Variants in NCOA2 observed in about 807,000 individuals in gnomAD.
NCOA2 encodes nuclear receptor coactivator 2.
In NCOA2, 21 loss-of-function variants were observed where a neutral mutation model predicts 145.1. That is an observed-to-expected ratio of 0.14 (90% CI 0.10 to 0.21). NCOA2 has a LOEUF of 0.21. Among genes scored for constraint, NCOA2 ranks in the 10% least tolerant of loss-of-function variants. The pLI is 1.00. For synonymous variants in NCOA2, 619 were observed against 637.5 expected, an observed-to-expected ratio of 0.97 and a Z score of 0.44; for missense variants, 1,472 against 1,837.6, an observed-to-expected ratio of 0.80 and a Z score of 3.64.
chr8:70,442,135 G>GAAGAAAGAAAGAAAGAAAGAAAGAA, the NCOA2 span, among the ~76,000 whole-genome samples: 1 of 51,600 alleles, frequency 1.9e-5, no homozygotes, highest in Non-Finnish European at 4.7e-5. Context: ...AAGAAAGAAA[G>GAAGAAAGAAAGAAAGAAAGAAAGAA]AAAGAAAGAA....
chr8:70,234,327 T>A (rs1490812646), intron 2 of NCOA2, among the ~76,000 whole-genome samples: 1 of 152,220 alleles, frequency 6.6e-6, no homozygotes, highest in Non-Finnish European at 1.5e-5. Context: ...GACATTTGTG[T>A]ACAAGTTTTT....
rs1490198981 is a variant in NCOA2 at position 70,110,709 on chromosome 8, G to C, written c.*2923C>G. ...GCATTATATAAACTGCAAAAACATT[G>C]CTTTCAATTATTACAGGCCATAAGA... On this transcript the variant is annotated 3_prime_UTR_variant, in exon 23 of 23. Transcript: ENST00000452400. 2 of 219,148 alleles carry C rather than the reference G, an allele frequency of 9.1e-6. No individual in the cohort carries two copies. The highest frequency in any genetic ancestry group is 4.5e-5 in the African/African-American group (2 of 44,570). The allele number at this position is 219,148 out of a possible 1,614,324, so 13.6% of individuals were successfully genotyped here.
the NCOA2 span, among the ~76,000 whole-genome samples, chr8:70,436,738 A>T: frequency 1.3e-5 from 2 of 152,228 alleles, no homozygotes; most frequent in Non-Finnish European, 2.9e-5. Flanking sequence ...ATCACTTATT[A>T]CATATGTGTG....
At chr8:70,243,293 T>G (rs1822316799) in intron 2 of NCOA2, among the ~76,000 whole-genome samples, 1 of 152,076 alleles carries the variant, frequency 6.6e-6, no homozygotes, top group South Asian at 2.1e-4. Context: ...ACCATCCAAA[T>G]CTGCTCATAT....
intron 21 of NCOA2, among the ~76,000 whole-genome samples, chr8:70,121,922 T>C (rs1192994533): frequency 6.6e-6 from 1 of 152,278 alleles, no homozygotes; most frequent in African/African-American, 2.4e-5. Context: ...CAAATGCTAA[T>C]AGAATAATGA....
At chr8:70,415,206 G>C in the NCOA2 span, among the ~76,000 whole-genome samples, 5 of 151,844 alleles carry the variant, frequency 3.3e-5, no homozygotes, top group Admixed American at 6.6e-5. Context: ...ATGTTCACCT[G>C]TGTTCCCAGT....
Position 70,156,648 on chromosome 8 carries a change from G to A in NCOA2, c.1717C>T (p.Pro573Ser). ...TCCAAGCTTCCCATCTTGCTGAGTG[G>A]GGGAGGATTCATATTAACTGGGGAG... Reference protein sequence around the residue: ...QNSPVNMNPPPLSKMGSLDSK... With the variant: ...QNSPVNMNPPSLSKMGSLDSK... The change falls in exon 11 of 23, where the codon CCA (proline) becomes TCA (serine). Residue 573 changes from proline to serine, a missense_variant. Physicochemically the swap from Pro to Ser is moderately conservative, Grantham distance 74. This residue lies in a region of NCOA2 where 953 missense variants were observed against 1,062.1 expected (regional missense o/e 0.90). Transcript: ENST00000452400. 6.2e-7 allele frequency: 1 copy of A among 1,613,952 alleles called. No homozygotes were observed. Among genetic ancestry groups the A allele is most frequent in the Non-Finnish European group, 8.5e-7 (1 of 1,179,894 alleles).
At chr8:70,374,246 C>T (rs1034212419) in intron 1 of NCOA2, among the ~76,000 whole-genome samples, 7 of 151,778 alleles carry the variant, frequency 4.6e-5, no homozygotes, top group Non-Finnish European at 8.8e-5. Flanking sequence ...CTGAGGTGGG[C>T]GGATCACCTG....
At chr8:70,300,588 G>A (rs1827411131) in intron 1 of NCOA2, among the ~76,000 whole-genome samples, 1 of 152,212 alleles carries the variant, frequency 6.6e-6, no homozygotes, top group African/African-American at 2.4e-5. Flanking sequence ...GGCAGCATTA[G>A]AACTGTGTAG....
intron 1 of NCOA2, among the ~76,000 whole-genome samples, chr8:70,325,852 T>C (rs1202989437): frequency 1.3e-5 from 2 of 152,218 alleles, no homozygotes; most frequent in East Asian, 3.8e-4. Context: ...CTGATCTTTC[T>C]GGCCAAAGCT....
At chr8:70,172,980 T>A (rs915083365) in intron 5 of NCOA2, among the ~76,000 whole-genome samples, 6 of 152,188 alleles carry the variant, frequency 3.9e-5, no homozygotes, top group African/African-American at 1.4e-4. Flanking sequence ...AACAGCTCCA[T>A]GAGAACATGT....
At chr8:70,358,829 T>C (rs1394986138) in intron 1 of NCOA2, among the ~76,000 whole-genome samples, 2 of 152,174 alleles carry the variant, frequency 1.3e-5, no homozygotes, top group African/African-American at 2.4e-5. Context: ...ACTATATGTA[T>C]ATCATAGTTG....
chr8:70,424,415 C>A, the NCOA2 span: 1 of 442,008 alleles, frequency 2.3e-6, no homozygotes, highest in South Asian at 1.8e-5. Flanking sequence ...GAGTCCTGTG[C>A]TCTTGGTGAG....
chr8:70,197,427 G>A (rs979066117), intron 4 of NCOA2, among the ~76,000 whole-genome samples: 9 of 152,202 alleles, frequency 5.9e-5, no homozygotes, highest in South Asian at 4.1e-4. Flanking sequence ...GGGTCCCTAC[G>A]TCAGGGAGGG....
intron 12 of NCOA2, among the ~76,000 whole-genome samples, chr8:70,147,903 T>C (rs1344633893): frequency 2.0e-5 from 3 of 152,206 alleles, no homozygotes; most frequent in Middle Eastern, 3.2e-3. Flanking sequence ...AAAGTCAGCA[T>C]AGCTCCCAAA....
intron 1 of NCOA2, among the ~76,000 whole-genome samples, chr8:70,378,418 G>T (rs139832244): frequency 6.6e-6 from 1 of 152,094 alleles, no homozygotes; most frequent in African/African-American, 2.4e-5. Context: ...AAATGGGAAG[G>T]AACACCTAAC....
chr8:70,443,227 TG>T, the NCOA2 span, among the ~76,000 whole-genome samples: 152,023 of 152,024 alleles, frequency 1, 76,011 homozygotes, highest in Middle Eastern at 1. Context: ...ATTAGCTGGG[TG>T]GTGGGGGGCG....
Position 70,321,793 on chromosome 8 carries a change from CTT to C in NCOA2, c.-76-24995_-76-24994del, listed in dbSNP as rs559680322. ...TGCTTTCCTAAGTTTCAGAATATACCTTTTTTTTTTTTTTTTTTTTTTTTTTT... is the reference window on the plus strand; with the variant it reads ...TGCTTTCCTAAGTTTCAGAATATACCTTTTTTTTTTTTTTTTTTTTTTTTT... On this transcript the variant is annotated intron_variant, in intron 1 of 22. Coordinates refer to ENST00000452400, the MANE Select transcript of NCOA2 (RefSeq NM_006540.4). 3.9e-3 allele frequency among the ~76,000 whole-genome samples: 290 copies of C among 73,514 alleles called. 1 individual carries two copies. The highest frequency in any genetic ancestry group is 0.017 in the African/African-American group (267 of 15,858). The allele number at this position is 73,514 out of a possible 152,430, so 48.2% of individuals were successfully genotyped here.
Position 70,148,296 on chromosome 8 carries a change from G to C in NCOA2, c.2582C>G (p.Thr861Arg). 2.5e-6 allele frequency: 4 copies of C among 1,614,000 alleles called. No individual in the cohort carries two copies. Among genetic ancestry groups the C allele is most frequent in the Non-Finnish European group, 3.4e-6 (4 of 1,179,872 alleles). ...SPVTPVGAQK[T>R]ALRISQSTFN... ...ACTGCTCTGTGAAATTCGCAGTGCT[G>C]TTTTCTGGGCTCCAACAGGTGTGAC... is the stretch of plus-strand genomic sequence containing the variant. The change falls in exon 12 of 23, where the codon ACA becomes AGA. Residue 861 changes from threonine (T) to arginine (R), a missense_variant. Coordinates refer to ENST00000452400, the MANE Select transcript of NCOA2 (RefSeq NM_006540.4).
Sources: gnomAD v4.1 joint callset for allele counts (sites outside exome capture counted in the v4.1 genomes callset) on GRCh38, gnomAD v4.1.1 for gene constraint, gnomAD v4.1.1 regional missense constraint, MANE v1.5 for transcripts, NCBI Gene and HGNC (gene_info 2026-07-23, HGNC 2026-07-21) for gene names.